Variants in FN3K observed in about 807,000 individuals in gnomAD.
FN3K encodes the protein fructosamine-3-kinase.
FN3K carries 24 observed loss-of-function variants against 24.8 expected under a neutral mutation model. That is an observed-to-expected ratio of 0.97 (90% CI 0.70 to 1.36). The LOEUF (loss-of-function observed/expected upper bound fraction) is 1.36, where lower values mean the gene tolerates loss of function less well. FN3K is among the 40% of genes most tolerant of loss of function. FN3K has a pLI of 0.00. For synonymous variants in FN3K, 192 were observed against 175.2 expected (o/e 1.10, Z -0.76); for missense variants, 449 against 416.7 (o/e 1.08, Z -0.67).
Position 82,750,715 on chromosome 17 carries a change from G to C in FN3K, c.890G>C (p.Arg297Thr). The C allele has an allele frequency of 6.2e-7, 1 of 1,613,630 alleles. No individual in the cohort carries two copies. Among genetic ancestry groups the C allele is most frequent in the South Asian group, 1.1e-5 (1 of 91,066 alleles). Residue 297 changes from arginine (R) to threonine (T), a missense_variant, in exon 6 of 6, where the codon AGG (arginine) becomes ACG (threonine). Arg to Thr is a moderately conservative substitution (Grantham distance 71). Coordinates refer to ENST00000300784, the MANE Select transcript of FN3K (RefSeq NM_022158.4). Reference sequence around the variant, plus strand: ...TGGAACCACTTCGGGCGGGAGTACAGGAGCCCTTCCTTGGGCACCATGCGA... The same window carrying C: ...TGGAACCACTTCGGGCGGGAGTACACGAGCCCTTCCTTGGGCACCATGCGA... ...NHWNHFGREYRSPSLGTMRRL... is the reference protein window; with the variant it reads ...NHWNHFGREYTSPSLGTMRRL...
At chr17:82,746,481 TTTG>T (rs1373338909) in intron 4 of FN3K, among the ~76,000 whole-genome samples, 6 of 151,980 alleles carry the variant, frequency 3.9e-5, no homozygotes, top group Non-Finnish European at 7.4e-5. Context: ...TGTCTCCTAG[TTTG>T]TTGTTTGTGT....
At chr17:82,741,129 G>A in intron 3 of FN3K, 182 bp from the exon 4 acceptor site, 1 of 699,744 alleles carries the variant, frequency 1.4e-6, no homozygotes, top group South Asian at 1.6e-5. Context: ...GCTGTCTAGT[G>A]TGCTTGAGGT....
At position 82,750,793 on chromosome 17, in the gene FN3K, C is replaced by T. The variant is rs1568073075; in HGVS notation, c.*38C>T. 1.3e-6 allele frequency: 2 copies of T among 1,528,440 alleles called. No homozygotes were observed. The highest frequency in any genetic ancestry group is 1.6e-5 in the African/African-American group (1 of 62,292). 94.7% of individuals were successfully genotyped at this position (1,528,440 alleles called of 1,614,324 possible). A position where few individuals can be genotyped will look rare whatever the true frequency, so the allele number is the denominator to read the frequency against. ...TCCCTTCCCCTGTCCCCGTCCCCGTCTCCGTCTCCCCGTCCCTGTCCCCCC... is the reference window on the plus strand; with the variant it reads ...TCCCTTCCCCTGTCCCCGTCCCCGTTTCCGTCTCCCCGTCCCTGTCCCCCC... On this transcript the variant is annotated 3_prime_UTR_variant, in exon 6 of 6. Transcript: ENST00000300784.
chr17:82,750,350 C>T (rs2047000334), intron 5 of FN3K, 67 bp from the exon 6 acceptor site: 1 of 1,422,880 alleles, frequency 7.0e-7, no homozygotes, highest in Admixed American at 1.7e-5. Flanking sequence ...TGCCTTATTT[C>T]CAAGAACGAG....
Position 82,750,539 on chromosome 17 carries a change from C to G in FN3K, c.714C>G (p.Phe238Leu). ...CCATTATTTACGACCCGGCTTCCTT[C>G]TATGGCCATTCCGAGTTTGAACTGG... ...VGPIIYDPAS[F>L]YGHSEFELAI... The change falls in exon 6 of 6, where the codon TTC becomes TTG. Residue 238 changes from phenylalanine (F) to leucine (L), a missense_variant. Coordinates refer to ENST00000300784, the MANE Select transcript of FN3K (RefSeq NM_022158.4). The G allele has an allele frequency of 1.2e-6, 2 of 1,614,164 alleles. No individual in the cohort carries two copies. The highest frequency in any genetic ancestry group is 1.7e-6 in the Non-Finnish European group (2 of 1,180,018).
chr17:82,745,865 G>A lies in FN3K; in HGVS notation c.469-2990G>A, dbSNP rs145466176. Among the ~76,000 whole-genome samples the A allele has an allele frequency of 2.0e-4, 31 of 152,030 alleles. No homozygotes were observed. The East Asian group carries it at 4.8e-3, about 24-fold the overall frequency. ...TCCCAGCACTTTGGGAGGCTGAGGC[G>A]GGTGGATCACAAGGTCAGGAGGTCG... On this transcript the variant is annotated intron_variant, in intron 4 of 5. Transcript: ENST00000300784.
rs1263992529 is a variant in FN3K, at chr17:82,750,852, CT to C, written c.*98del. 9.8e-6 allele frequency: 9 copies of C among 920,024 alleles called. No homozygotes were observed. The highest frequency in any genetic ancestry group is 2.1e-5 in the African/African-American group (1 of 47,038). The allele number at this position is 920,024 out of a possible 1,614,324, so 57.0% of individuals were successfully genotyped here. A position where few individuals can be genotyped will look rare whatever the true frequency, so the allele number is the denominator to read the frequency against. On this transcript the variant is annotated 3_prime_UTR_variant, in exon 6 of 6. Transcript: ENST00000300784. ...TCCCTGTGCCCCCGTCCCTGTCCCC[CT>C]GTTCCCGTCTCCCCGTCCCTCCGTC...
intron 4 of FN3K, among the ~76,000 whole-genome samples, chr17:82,748,469 G>A (rs992567911): frequency 2.7e-5 from 4 of 150,002 alleles, no homozygotes; most frequent in African/African-American, 9.8e-5. Flanking sequence ...TTTGACTAGT[G>A]TTAGCATGGT....
At chr17:82,746,227 C>T (rs1429631496) in intron 4 of FN3K, among the ~76,000 whole-genome samples, 2 of 151,972 alleles carry the variant, frequency 1.3e-5, no homozygotes, top group Non-Finnish European at 1.5e-5. Flanking sequence ...TTTTAAATTA[C>T]AGCCATCCTA....
chr17:82,744,051 C>T (rs748992289), intron 4 of FN3K, among the ~76,000 whole-genome samples: 6 of 152,212 alleles, frequency 3.9e-5, no homozygotes, highest in Admixed American at 1.3e-4. Flanking sequence ...TGGGAAATAA[C>T]GGGAGGCTGC....
At position 82,749,109 on chromosome 17, in the gene FN3K, G is replaced by C. The variant is rs1048887548; in HGVS notation, c.591+132G>C. 21 of 1,417,836 alleles carry C rather than the reference G, an allele frequency of 1.5e-5. No individual in the cohort carries two copies. In the Middle Eastern group the frequency reaches 5.2e-4, roughly 35 times the overall value. The allele number at this position is 1,417,836 out of a possible 1,614,324, so 87.8% of individuals were successfully genotyped here. ...CCTGGAGCACACATCAGGGAGGAAG[G>C]GGGGCAGGGGCGGGGGTTCCCCCAA... On this transcript the variant is annotated intron_variant, in intron 5 of 5. Transcript: ENST00000300784.
chr17:82,750,641 C>A lies in FN3K; in HGVS notation c.816C>A (p.Gly272=). The change falls in exon 6 of 6, where the codon GGC becomes GGA. Residue 272 remains glycine, a synonymous_variant. Transcript: ENST00000300784. ...ACCGGAAGATCCCCAAGGCTCCGGG[C>A]TTCGACCAGCGGCTGCTGCTCTACC... The part of the protein sequence containing the change: ...AYHRKIPKAP[G]FDQRLLLYQL... The A allele has an allele frequency of 6.2e-7, 1 of 1,614,098 alleles. No individual in the cohort carries two copies. The highest frequency in any genetic ancestry group is 1.1e-5 in the South Asian group (1 of 91,080).
chr17:82,748,712 C>G (rs1174712189), intron 4 of FN3K, 143 bp from the exon 5 acceptor site: 2 of 1,317,798 alleles, frequency 1.5e-6, no homozygotes, highest in African/African-American at 2.9e-5. Flanking sequence ...CTGCCTTCCT[C>G]TGGGTTGAGT....
At chr17:82,746,348 G>C (rs1287632815) in intron 4 of FN3K, among the ~76,000 whole-genome samples, 1 of 151,952 alleles carries the variant, frequency 6.6e-6, no homozygotes, top group Non-Finnish European at 1.5e-5. Context: ...CTTCTTTGGT[G>C]AACCATGTGT....
intron 4 of FN3K, among the ~76,000 whole-genome samples, chr17:82,746,271 T>G (rs1022667390): frequency 2.6e-5 from 4 of 152,134 alleles, no homozygotes; most frequent in African/African-American, 9.7e-5. Context: ...TGAGGTTCTA[T>G]TTTGCATTTC....
At chr17:82,738,380 A>C in intron 1 of FN3K, 109 bp from the exon 2 acceptor site, 1 of 1,450,754 alleles carries the variant, frequency 6.9e-7, no homozygotes, top group South Asian at 1.2e-5. Context: ...GCCAGCTATC[A>C]GTGAATGAAG....
At chr17:82,740,081 T>C (rs1386636345) in intron 2 of FN3K, among the ~76,000 whole-genome samples, 1 of 151,910 alleles carries the variant, frequency 6.6e-6, no homozygotes, top group Admixed American at 6.6e-5. Flanking sequence ...TTTTGTATTT[T>C]TAGTAGAGAT....
intron 5 of FN3K, 62 bp downstream of exon 5, chr17:82,749,039 TGC>T: frequency 1.2e-6 from 2 of 1,610,376 alleles, no homozygotes; most frequent in Non-Finnish European, 1.7e-6. Context: ...GCCGCATTTG[TGC>T]GGGTTCATCT....
chr17:82,738,411 G>A (rs1433701203), intron 1 of FN3K, 78 bp from the exon 2 acceptor site: 5 of 1,590,414 alleles, frequency 3.1e-6, no homozygotes, highest in African/African-American at 1.3e-5. Context: ...CTCCCACGTG[G>A]TAGCTTCTGT....
Sources: allele counts gnomAD v4.1 joint callset (sites outside exome capture counted in the v4.1 genomes callset), GRCh38; gene constraint gnomAD v4.1.1; transcripts MANE v1.5; gene names NCBI Gene and HGNC (gene_info 2026-07-23, HGNC 2026-07-21).